The following PARD3B variants were observed in gnomAD, a reference collection of about 807,000 sequenced individuals.
PARD3B encodes the protein par-3 family cell polarity regulator beta.
Under a neutral mutation model 130.2 loss-of-function variants are expected in PARD3B, and 103 were observed. That is an observed-to-expected ratio of 0.79 (90% confidence interval 0.67 to 0.93). The LOEUF (loss-of-function observed/expected upper bound fraction) is 0.93, where lower values mean the gene tolerates loss of function less well. Among genes scored for constraint, PARD3B ranks in the 40% least tolerant of loss-of-function variants. PARD3B has a pLI of 0.00. For missense variants in PARD3B, 1,609 were observed against 1,499.2 expected, an observed-to-expected ratio of 1.07 and a Z score of -1.21; for synonymous variants, 583 against 553.2, an observed-to-expected ratio of 1.05 and a Z score of -0.76.
At chr2:204,579,254 A>G (rs1340241160) in intron 1 of PARD3B, among the ~76,000 whole-genome samples, 1 of 152,032 alleles carries the variant, frequency 6.6e-6, no homozygotes, top group Non-Finnish European at 1.5e-5. Context: ...CCTTGCAGCA[A>G]TCTCATGGGG....
chr2:205,516,922 A>AT (rs2050815525), intron 21 of PARD3B, among the ~76,000 whole-genome samples: 1 of 152,046 alleles, frequency 6.6e-6, no homozygotes. Flanking sequence ...GGCTCTTATT[A>AT]TTTTGAGGTA....
intron 1 of PARD3B, among the ~76,000 whole-genome samples, chr2:204,574,413 T>C (rs931199135): frequency 2.0e-5 from 3 of 152,216 alleles, no homozygotes; most frequent in African/African-American, 7.2e-5. Context: ...AGAATGACTT[T>C]CCCCTCCTTT....
chr2:205,005,033 T>G (rs1446058759), intron 3 of PARD3B, among the ~76,000 whole-genome samples: 1 of 152,148 alleles, frequency 6.6e-6, no homozygotes, highest in Non-Finnish European at 1.5e-5. Context: ...TAAATTCTGT[T>G]CTTTTAAATC....
At chr2:204,824,569 C>T (rs1338777056) in intron 2 of PARD3B, among the ~76,000 whole-genome samples, 1 of 152,128 alleles carries the variant, frequency 6.6e-6, no homozygotes, top group Non-Finnish European at 1.5e-5. Context: ...GAAAATAGAG[C>T]TGCCAGAACT....
At chr2:204,742,312 C>A (rs1442687401) in intron 2 of PARD3B, among the ~76,000 whole-genome samples, 1 of 152,096 alleles carries the variant, frequency 6.6e-6, no homozygotes, top group African/African-American at 2.4e-5. Context: ...ATGGGGAATG[C>A]ACTGTCTCTG....
chr2:204,728,269 A>G (rs2039329112), intron 2 of PARD3B, among the ~76,000 whole-genome samples: 2 of 152,136 alleles, frequency 1.3e-5, no homozygotes, highest in Non-Finnish European at 2.9e-5. Context: ...GTTGTTGGGT[A>G]AGTGACTGCC....
chr2:205,097,596 G>A (rs1050478783), intron 4 of PARD3B, among the ~76,000 whole-genome samples: 4 of 152,074 alleles, frequency 2.6e-5, no homozygotes, highest in Admixed American at 2.0e-4. Context: ...GTAGAAGCTC[G>A]GGACTCACCC....
chr2:205,539,605 T>C (rs906471188), intron 21 of PARD3B, among the ~76,000 whole-genome samples: 3 of 151,768 alleles, frequency 2.0e-5, no homozygotes, highest in African/African-American at 7.2e-5. Context: ...CTGTCACAAC[T>C]GATGACCAGC....
rs536598307 is a variant in PARD3B at position 205,174,021 on chromosome 2, A to T, written c.1791+1640A>T. Among the ~76,000 whole-genome samples the T allele has an allele frequency of 8.5e-5, 13 of 152,376 alleles. No homozygotes were observed. The South Asian group carries it at 2.7e-3, about 32-fold the overall frequency. Reference sequence around the variant, plus strand: ...AGTCTAGAAAAAACTGCTGTAGCATAACATACCTGTGCAGATAGCAAAAGT... The same window carrying T: ...AGTCTAGAAAAAACTGCTGTAGCATTACATACCTGTGCAGATAGCAAAAGT... On this transcript the variant is annotated intron_variant, in intron 12 of 22. Coordinates refer to ENST00000406610, the MANE Select transcript of PARD3B (RefSeq NM_001302769.2).
intron 1 of PARD3B, among the ~76,000 whole-genome samples, chr2:204,649,369 T>C (rs1172564048): frequency 6.6e-6 from 1 of 151,966 alleles, no homozygotes; most frequent in Admixed American, 6.6e-5. Context: ...AAATTGAAAA[T>C]TGTTTTAATG....
At chr2:204,823,534 T>C (rs1475505595) in intron 2 of PARD3B, among the ~76,000 whole-genome samples, 1 of 152,164 alleles carries the variant, frequency 6.6e-6, no homozygotes, top group Non-Finnish European at 1.5e-5. Flanking sequence ...AGAAATAGTA[T>C]GAGGCCCTAG....
chr2:205,564,790 C>T lies in PARD3B; in HGVS notation c.3260+11387C>T, dbSNP rs1362691163. ...CACCTTGGTCCAGCTCCATTATTTC[C>T]AGCAAAGGCAAACATTTGTGGTACA... On this transcript the variant is annotated intron_variant, in intron 22 of 22. Coordinates refer to ENST00000406610, the MANE Select transcript of PARD3B (RefSeq NM_001302769.2). This position sits in a 1 kb window ranked among gnomAD's most constrained non-coding sequence, Gnocchi z 4.6. 6.6e-6 allele frequency among the ~76,000 whole-genome samples: 1 copy of T among 152,140 alleles called. No individual in the cohort carries two copies. Among genetic ancestry groups the T allele is most frequent in the African/African-American group, 2.4e-5 (1 of 41,434 alleles).
intron 3 of PARD3B, among the ~76,000 whole-genome samples, chr2:204,999,347 T>G (rs1694635507): frequency 6.6e-6 from 1 of 152,220 alleles, no homozygotes; most frequent in African/African-American, 2.4e-5. Context: ...TGTGATACTC[T>G]CTTAAGAATG....
chr2:204,790,742 G>T (rs147488275), intron 2 of PARD3B, among the ~76,000 whole-genome samples: 1 of 152,014 alleles, frequency 6.6e-6, no homozygotes, highest in Non-Finnish European at 1.5e-5. Flanking sequence ...TTCGTATTTC[G>T]TCTTTGTCAG....
chr2:204,644,896 A>C (rs1486904427), intron 1 of PARD3B, among the ~76,000 whole-genome samples: 1 of 152,008 alleles, frequency 6.6e-6, no homozygotes, highest in African/African-American at 2.4e-5. Context: ...AGTATGAAAA[A>C]CCTTTTAAAT....
intron 16 of PARD3B, among the ~76,000 whole-genome samples, chr2:205,260,764 C>G (rs2040273400): frequency 6.6e-6 from 1 of 151,954 alleles, no homozygotes; most frequent in South Asian, 2.1e-4. Context: ...TGTTGTTTTT[C>G]CTATCTAGAG....
At chr2:205,578,405 CAT>C (rs1427374005) in intron 22 of PARD3B, among the ~76,000 whole-genome samples, 5 of 152,292 alleles carry the variant, frequency 3.3e-5, no homozygotes, top group African/African-American at 9.6e-5. Context: ...TTCTCTTGCA[CAT>C]GTTTGTGACA....
rs976417726 is a variant in PARD3B at position 205,460,301 on chromosome 2, T to C, written c.3044+19629T>C. ...TCTGAGAGGGTATTTCTCTAAACTA[T>C]ATCAGATAAAGGATGCCCAGAATTT... On this transcript the variant is annotated intron_variant, in intron 20 of 22. Coordinates refer to ENST00000406610, the MANE Select transcript of PARD3B (RefSeq NM_001302769.2). This position sits in a 1 kb window ranked among gnomAD's most constrained non-coding sequence, Gnocchi z 4.9. Among the ~76,000 whole-genome samples the C allele has an allele frequency of 1.3e-5, 2 of 152,112 alleles. No homozygotes were observed. The highest frequency in any genetic ancestry group is 4.8e-5 in the African/African-American group (2 of 41,420).
At chr2:205,522,410 A>C (rs2051114619) in intron 21 of PARD3B, among the ~76,000 whole-genome samples, 1 of 151,982 alleles carries the variant, frequency 6.6e-6, no homozygotes, top group Non-Finnish European at 1.5e-5. Flanking sequence ...GTATGGTTTT[A>C]AGCTCTGTAG....
Sources: gnomAD v4.1 joint callset for allele counts (sites outside exome capture counted in the v4.1 genomes callset) on GRCh38, gnomAD v4.1.1 for gene constraint, Gnocchi (gnomAD v3.1) non-coding constraint, MANE v1.5 for transcripts, NCBI Gene and HGNC (gene_info 2026-07-23, HGNC 2026-07-21) for gene names.